NF1: variants seen among roughly 807,000 people sequenced by gnomAD.
NF1 encodes the protein neurofibromin.
A neutral mutation model predicts 325.7 loss-of-function variants in NF1; 122 were observed. The ratio of observed to expected loss-of-function variants is 0.37; its 90% confidence interval spans 0.32 to 0.44. The LOEUF is 0.44. Ranked by LOEUF, NF1 falls within the 20% of genes least tolerant of loss-of-function variation. The pLI is 1.00. For missense variants in NF1, 2,140 were observed against 3,415.4 expected (o/e 0.63, Z 9.31); for synonymous variants, 1,091 against 1,186.0 (o/e 0.92, Z 1.65).
intron 36 of NF1, chr17:31,318,949 A>G: frequency 1.2e-6 from 2 of 1,613,764 alleles, no homozygotes; most frequent in Non-Finnish European, 1.7e-6. Context: ...AGACAAAGAA[A>G]AAACTGTTGT....
In NF1 at chr17:31,375,835, C is replaced by A. The variant is rs1438838269; in HGVS notation, c.*1680C>A. Reference sequence around the variant, plus strand: ...AATTGGTTTTGATACTCAGAAATAACAAGAATTTAATTTTTTAAATTTGTT... The same window carrying A: ...AATTGGTTTTGATACTCAGAAATAAAAAGAATTTAATTTTTTAAATTTGTT... On this transcript the variant is annotated 3_prime_UTR_variant, in exon 58 of 58. Transcript: ENST00000358273. 7 of 232,012 alleles carry A rather than the reference C, an allele frequency of 3.0e-5. No individual in the cohort carries two copies. Among genetic ancestry groups the A allele is most frequent in the African/African-American group, 1.1e-4 (5 of 45,130 alleles). The allele number at this position is 232,012 out of a possible 1,614,324, so 14.4% of individuals were successfully genotyped here.
chr17:31,208,015 A>C (rs1292289404), intron 12 of NF1, among the ~76,000 whole-genome samples: 1 of 152,194 alleles, frequency 6.6e-6, no homozygotes, highest in Non-Finnish European at 1.5e-5. Flanking sequence ...TATTTTGAAC[A>C]GAGGTAAAAT....
intron 46 of NF1, among the ~76,000 whole-genome samples, chr17:31,339,970 C>T (rs569671739): frequency 2.6e-5 from 4 of 152,040 alleles, no homozygotes; most frequent in South Asian, 2.1e-4. Context: ...TCAAAGGAAT[C>T]GAGAGAGGGA....
chr17:31,357,430 C>A, intron 54 of NF1, 61 bp downstream of exon 54: 1 of 1,320,146 alleles, frequency 7.6e-7, no homozygotes, highest in Non-Finnish European at 1.1e-6. Context: ...AAATGCTTAC[C>A]CAGTAATGTG....
intron 3 of NF1, 118 bp downstream of exon 3, chr17:31,159,211 TATAA>T (rs1289131162): frequency 1.4e-6 from 1 of 733,358 alleles, no homozygotes; most frequent in East Asian, 2.7e-5. Flanking sequence ...GTCTGAGACA[TATAA>T]ATATGAGTTT....
chr17:31,363,438 T>C lies in NF1; in HGVS notation c.8377+2735T>C, dbSNP rs1396645792. Among the ~76,000 whole-genome samples the C allele has an allele frequency of 6.6e-4, 27 of 41,130 alleles. 1 individual carries two copies. Among genetic ancestry groups the C allele is most frequent in the South Asian group, 4.3e-3 (4 of 934 alleles). The allele number at this position is 41,130 out of a possible 152,430, so 27.0% of individuals were successfully genotyped here. A position where few individuals can be genotyped will look rare whatever the true frequency, so the allele number is the denominator to read the frequency against. Reference sequence around the variant, plus strand: ...TAATCTTATATCCTTATCTCTCTCTTTTTTTTTTTTTTTTTTTGAGACAGA... The same window carrying C: ...TAATCTTATATCCTTATCTCTCTCTCTTTTTTTTTTTTTTTTTGAGACAGA... On this transcript the variant is annotated intron_variant, in intron 57 of 57. Coordinates refer to ENST00000358273, the MANE Select transcript of NF1 (RefSeq NM_001042492.3).
chr17:31,210,153 A>T (rs1381964119), intron 12 of NF1, among the ~76,000 whole-genome samples: 1 of 152,232 alleles, frequency 6.6e-6, no homozygotes, highest in African/African-American at 2.4e-5. Flanking sequence ...AGTTAGCTTG[A>T]TGAAAGCAGT....
chr17:31,301,699 C>T (rs2068577506), intron 36 of NF1, among the ~76,000 whole-genome samples: 1 of 152,088 alleles, frequency 6.6e-6, no homozygotes, highest in Non-Finnish European at 1.5e-5. Flanking sequence ...AGGGAGCAAA[C>T]TCAGCTTTTA....
chr17:31,096,816 C>T (rs1358973588), intron 1 of NF1, among the ~76,000 whole-genome samples: 3 of 152,166 alleles, frequency 2.0e-5, no homozygotes, highest in African/African-American at 7.2e-5. Flanking sequence ...TTTATCCATT[C>T]GTATGCTTCC....
At chr17:31,110,850 G>A (rs548761776) in intron 1 of NF1, among the ~76,000 whole-genome samples, 3 of 151,806 alleles carry the variant, frequency 2.0e-5, no homozygotes, top group Non-Finnish European at 4.4e-5. Context: ...TTTGGCGCAG[G>A]ACTCTAGGAC....
chr17:31,158,777 T>G (rs2065711749), intron 2 of NF1, among the ~76,000 whole-genome samples: 2 of 152,208 alleles, frequency 1.3e-5, no homozygotes, highest in African/African-American at 4.8e-5. Context: ...CAGCATCTTT[T>G]ACTGTTACAA....
rs995569092 is a variant in NF1 at position 31,155,834 on chromosome 17, A to G, written c.61-149A>G. 49 of 807,070 alleles carry G rather than the reference A, an allele frequency of 6.1e-5. 1 individual carries two copies. The South Asian group carries it at 7.4e-4, about 12-fold the overall frequency. 50.0% of individuals were successfully genotyped at this position (807,070 alleles called of 1,614,324 possible). A position where few individuals can be genotyped will look rare whatever the true frequency, so the allele number is the denominator to read the frequency against. On this transcript the variant is annotated intron_variant, in intron 1 of 57. Coordinates refer to ENST00000358273, the MANE Select transcript of NF1 (RefSeq NM_001042492.3). The stretch of plus-strand genomic sequence containing the variant: ...TCTGTGTATCATATATTGGAGGTTG[A>G]TTGAAAATCGGAGTTTGAGATGCAA...
At chr17:31,148,921 A>G (rs1439465033) in intron 1 of NF1, among the ~76,000 whole-genome samples, 1 of 152,156 alleles carries the variant, frequency 6.6e-6, no homozygotes, top group Non-Finnish European at 1.5e-5. Flanking sequence ...TATGTATTCC[A>G]TATAGAATAT....
chr17:31,166,298 T>C (rs960418441), intron 4 of NF1, among the ~76,000 whole-genome samples: 2 of 152,226 alleles, frequency 1.3e-5, no homozygotes, highest in South Asian at 4.1e-4. Flanking sequence ...TTTATATGTC[T>C]CTGATCATTT....
intron 4 of NF1, among the ~76,000 whole-genome samples, chr17:31,165,557 A>C (rs776685350): frequency 6.6e-5 from 10 of 152,212 alleles, no homozygotes; most frequent in Non-Finnish European, 1.2e-4. Context: ...TTTATATATA[A>C]TAGATGAATC....
chr17:31,371,217 G>A (rs2070630669), intron 57 of NF1, among the ~76,000 whole-genome samples: 1 of 152,058 alleles, frequency 6.6e-6, no homozygotes, highest in Admixed American at 6.6e-5. Context: ...AAACAAAAAT[G>A]AATAATAATG....
intron 36 of NF1, among the ~76,000 whole-genome samples, chr17:31,279,453 G>C (rs1345397789): frequency 6.6e-6 from 1 of 152,094 alleles, no homozygotes; most frequent in Non-Finnish European, 1.5e-5. Context: ...ATATAGCACT[G>C]AAAAGTGGCT....
chr17:31,282,256 C>A (rs958913910), intron 36 of NF1, among the ~76,000 whole-genome samples: 1 of 151,804 alleles, frequency 6.6e-6, no homozygotes, highest in African/African-American at 2.4e-5. Flanking sequence ...GTGGCAGGCA[C>A]CTGTAGTCCC....
intron 29 of NF1, among the ~76,000 whole-genome samples, chr17:31,236,458 G>T (rs1006200103): frequency 1.3e-5 from 2 of 152,080 alleles, no homozygotes; most frequent in Non-Finnish European, 2.9e-5. Flanking sequence ...TTAAAAATTT[G>T]AGACAGAGTC....
Sources: gnomAD v4.1 joint callset for allele counts (sites outside exome capture counted in the v4.1 genomes callset) on GRCh38, gnomAD v4.1.1 for gene constraint, MANE v1.5 for transcripts, NCBI Gene and HGNC (gene_info 2026-07-23, HGNC 2026-07-21) for gene names.